The following ADCY2 variants were observed in gnomAD, a reference collection of about 807,000 sequenced individuals.
ADCY2 encodes adenylate cyclase type 2.
In ADCY2, 31 loss-of-function variants were observed where a neutral mutation model predicts 125.2. The ratio of observed to expected loss-of-function variants is 0.25; its 90% CI spans 0.19 to 0.33. The LOEUF (loss-of-function observed/expected upper bound fraction) is 0.33, where lower values mean the gene tolerates loss of function less well. Ranked by LOEUF, ADCY2 falls within the 10% of genes least tolerant of loss-of-function variation. The probability of loss-of-function intolerance (pLI) is 1.00; values close to 1 mark genes in which losing one functional copy is unlikely to be tolerated. For missense variants in ADCY2, 904 were observed against 1,418.2 expected, an observed-to-expected ratio of 0.64 and a Z score of 5.82; for synonymous variants, 512 against 548.4, an observed-to-expected ratio of 0.93 and a Z score of 0.93.
At chr5:7,792,058 C>T (rs16879108) in intron 20 of ADCY2, among the ~76,000 whole-genome samples, 1 of 151,544 alleles carries the variant, frequency 6.6e-6, no homozygotes, top group South Asian at 2.1e-4. Context: ...CTGGAGCAGG[C>T]AGGAAGAGAG....
At chr5:7,682,049 C>A (rs1740356683) in intron 4 of ADCY2, among the ~76,000 whole-genome samples, 1 of 152,220 alleles carries the variant, frequency 6.6e-6, no homozygotes, top group Admixed American at 6.5e-5. Context: ...GCCATGCAAC[C>A]TATTTGGTCT....
At chr5:7,752,185 C>T (rs1272857231) in intron 15 of ADCY2, among the ~76,000 whole-genome samples, 2 of 152,154 alleles carry the variant, frequency 1.3e-5, no homozygotes, top group Admixed American at 6.5e-5. Context: ...AAGAAGTCTT[C>T]CTATGGGAAA....
At chr5:7,603,143 A>G (rs970323) in intron 3 of ADCY2, among the ~76,000 whole-genome samples, 21,796 of 152,162 alleles carry the variant, frequency 0.14, 2,003 homozygotes, top group East Asian at 0.43. Context: ...ATTAAAAGCT[A>G]CTTACCACAG....
chr5:7,753,544 A>G (rs970122361), intron 15 of ADCY2, among the ~76,000 whole-genome samples: 1 of 152,224 alleles, frequency 6.6e-6, no homozygotes, highest in Non-Finnish European at 1.5e-5. Context: ...TTTAATTAGG[A>G]TGGTCGGAAT....
At chr5:7,663,882 A>C (rs1478667168) in intron 4 of ADCY2, among the ~76,000 whole-genome samples, 1 of 152,158 alleles carries the variant, frequency 6.6e-6, no homozygotes, top group Non-Finnish European at 1.5e-5. Flanking sequence ...CTATACGGGA[A>C]ATTTTCTCTA....
intron 16 of ADCY2, among the ~76,000 whole-genome samples, chr5:7,761,035 T>A (rs1743182213): frequency 6.6e-6 from 1 of 152,186 alleles, no homozygotes. Context: ...CTTAGCATAA[T>A]GTTCTGCATA....
chr5:7,586,079 C>A (rs1736615464), intron 3 of ADCY2, among the ~76,000 whole-genome samples: 1 of 152,192 alleles, frequency 6.6e-6, no homozygotes, highest in Non-Finnish European at 1.5e-5. Context: ...TCTTAACACA[C>A]AACTTGTATT....
At chr5:7,568,063 G>T (rs1302598029) in intron 3 of ADCY2, among the ~76,000 whole-genome samples, 2 of 151,790 alleles carry the variant, frequency 1.3e-5, no homozygotes, top group African/African-American at 4.8e-5. Context: ...TCTGGGTTTT[G>T]TTTTTAATAG....
chr5:7,727,123 C>T (rs1741957288), intron 13 of ADCY2, 41 bp from the exon 14 acceptor site: 3 of 1,488,112 alleles, frequency 2.0e-6, no homozygotes, highest in Non-Finnish European at 2.8e-6. Flanking sequence ...CAGCTCTTCT[C>T]TTGGAGAACT....
At chr5:7,588,415 G>A (rs1440280585) in intron 3 of ADCY2, among the ~76,000 whole-genome samples, 2 of 152,016 alleles carry the variant, frequency 1.3e-5, no homozygotes, top group African/African-American at 4.8e-5. Context: ...GGCCTTTTTT[G>A]GTAACTGGAT....
At chr5:7,506,988 C>T (rs1463143794) in intron 2 of ADCY2, among the ~76,000 whole-genome samples, 1 of 148,846 alleles carries the variant, frequency 6.7e-6, no homozygotes, top group East Asian at 2.0e-4. Flanking sequence ...GGGGTTTCAC[C>T]GTGTTAGCCA....
At chr5:7,406,670 A>C (rs1215416314) in intron 1 of ADCY2, among the ~76,000 whole-genome samples, 1 of 152,198 alleles carries the variant, frequency 6.6e-6, no homozygotes, top group Non-Finnish European at 1.5e-5. Flanking sequence ...ATATTTGGAT[A>C]TTCCCTTCTT....
At chr5:7,757,752 G>A (rs767274134) in intron 16 of ADCY2, among the ~76,000 whole-genome samples, 166 bp downstream of exon 16, 3 of 152,138 alleles carry the variant, frequency 2.0e-5, no homozygotes, top group Admixed American at 2.0e-4. Flanking sequence ...CAGCAGGCAG[G>A]GCGTTCTTCC....
intron 15 of ADCY2, among the ~76,000 whole-genome samples, chr5:7,754,652 G>A (rs1255113827): frequency 3.9e-5 from 6 of 152,120 alleles, no homozygotes; most frequent in Admixed American, 6.5e-5. Flanking sequence ...TTTGAAGCTC[G>A]GCTCTTCATA....
At chr5:7,523,028 G>A (rs930630038) in intron 3 of ADCY2, among the ~76,000 whole-genome samples, 4 of 152,086 alleles carry the variant, frequency 2.6e-5, no homozygotes, top group Non-Finnish European at 5.9e-5. Flanking sequence ...ACATGCCATG[G>A]CTCACAGCAC....
intron 2 of ADCY2, among the ~76,000 whole-genome samples, chr5:7,439,971 G>A (rs6883259): frequency 0.75 from 113,509 of 151,970 alleles, 42,877 homozygotes; most frequent in Non-Finnish European, 0.81. Context: ...AAGTAAACCT[G>A]CGATTGTTCC....
At chr5:7,695,317 T>A (rs533640821) in intron 5 of ADCY2, among the ~76,000 whole-genome samples, 1 of 152,200 alleles carries the variant, frequency 6.6e-6, no homozygotes, top group East Asian at 1.9e-4. Context: ...TAGCCCTTTT[T>A]ATGATTTGTA....
intron 8 of ADCY2, 133 bp downstream of exon 8, chr5:7,707,035 C>A: frequency 1.8e-6 from 2 of 1,083,112 alleles, no homozygotes; most frequent in Non-Finnish European, 2.6e-6. Flanking sequence ...TACTCACGCC[C>A]AACGGCCTCT....
intron 4 of ADCY2, among the ~76,000 whole-genome samples, chr5:7,674,956 C>T (rs908080253): frequency 2.6e-5 from 4 of 152,024 alleles, no homozygotes; most frequent in Non-Finnish European, 5.9e-5. Context: ...GAGATCGAGA[C>T]CATCCTGGCT....
Sources: gnomAD v4.1 joint callset for allele counts (sites outside exome capture counted in the v4.1 genomes callset) on GRCh38, gnomAD v4.1.1 for gene constraint, MANE v1.5 for transcripts, NCBI Gene and HGNC (gene_info 2026-07-23, HGNC 2026-07-21) for gene names.